The following CP variants were observed in gnomAD, a reference collection of about 807,000 sequenced individuals.
The protein encoded by CP is ceruloplasmin.
In CP, 64 loss-of-function variants were observed where a neutral mutation model predicts 122.4. That is an observed-to-expected ratio of 0.52 (90% CI 0.43 to 0.64). The LOEUF (loss-of-function observed/expected upper bound fraction) is 0.64. CP is among the 30% of genes least tolerant of loss of function. The pLI is 0.00. For synonymous variants in CP, 440 were observed against 436.4 expected (o/e 1.01, Z -0.10); for missense variants, 1,167 against 1,284.4 (o/e 0.91, Z 1.40).
chr3:149,216,900 CTT>C (rs201368226), intron 1 of CP, among the ~76,000 whole-genome samples: 10 of 129,584 alleles, frequency 7.7e-5, no homozygotes, highest in African/African-American at 1.1e-4. Context: ...CTATTGCTTG[CTT>C]TTTTTTTTTT....
chr3:149,168,011 A>C, downstream of CP: 2 of 1,270,966 alleles, frequency 1.6e-6, no homozygotes, highest in Non-Finnish European at 2.3e-6. Context: ...TTGCTTGATT[A>C]TAAACTTAAG....
chr3:149,172,127 C>G, downstream of CP: 2 of 1,612,942 alleles, frequency 1.2e-6, no homozygotes, highest in Non-Finnish European at 1.7e-6. Flanking sequence ...GGAACTAGAA[C>G]TGAAGGATTT....
At position 149,198,514 on chromosome 3, in the gene CP, G is replaced by A; in HGVS notation, c.1566C>T (p.Pro522=). Reference sequence around the variant, plus strand: ...CTGCATTAGTGGGTCCTACTTCTTTGGGGACAGTCCATTCATAGGTGAATG... The same window carrying A: ...CTGCATTAGTGGGTCCTACTTCTTTAGGGACAGTCCATTCATAGGTGAATG... ...TETFTYEWTV[P]KEVGPTNADP... The change falls in exon 9 of 19, where the codon CCC becomes CCT. Residue 522 remains proline (P), a synonymous_variant. Coordinates refer to ENST00000264613, the MANE Select transcript of CP (RefSeq NM_000096.4). 3 of 1,614,140 alleles carry A rather than the reference G, an allele frequency of 1.9e-6. No homozygotes were observed. The highest frequency in any genetic ancestry group is 2.5e-6 in the Non-Finnish European group (3 of 1,180,012).
chr3:149,179,812 G>A, intron 14 of CP, 150 bp from the exon 15 acceptor site: 1 of 633,266 alleles, frequency 1.6e-6, no homozygotes. Context: ...AAAAATTGTG[G>A]TACTCAAGAT....
chr3:149,182,501 C>T (rs1398443590), intron 13 of CP, among the ~76,000 whole-genome samples: 1 of 152,022 alleles, frequency 6.6e-6, no homozygotes, highest in Non-Finnish European at 1.5e-5. Flanking sequence ...GCCATTTTGC[C>T]TTGGTGTCTT....
At chr3:149,200,089 G>A in intron 7 of CP, 1 of 542,986 alleles carries the variant, frequency 1.8e-6, no homozygotes, top group South Asian at 2.0e-5. Flanking sequence ...TAATGAAATT[G>A]ATTATCATTT....
chr3:149,173,468 G>C lies in CP; in HGVS notation c.*246C>G. On this transcript the variant is annotated 3_prime_UTR_variant, in exon 19 of 19. Coordinates refer to ENST00000264613, the MANE Select transcript of CP (RefSeq NM_000096.4). ...AACCCTAACAGCGGTGATATCATTA[G>C]ACTGTATGAATCAGTTTTATTACCT... 1 of 340,338 alleles carries C rather than the reference G, an allele frequency of 2.9e-6. No homozygotes were observed. The highest frequency in any genetic ancestry group is 5.5e-6 in the Non-Finnish European group (1 of 180,922). The allele number at this position is 340,338 out of a possible 1,614,324, so 21.1% of individuals were successfully genotyped here. A position where few individuals can be genotyped will look rare whatever the true frequency, so the allele number is the denominator to read the frequency against.
intron 11 of CP, chr3:149,186,120 C>T (rs1019648516): frequency 3.7e-6 from 1 of 269,784 alleles, no homozygotes; most frequent in Non-Finnish European, 7.2e-6. Flanking sequence ...ATAGAATATT[C>T]ACTTGCAACC....
At chr3:149,162,437 A>G (rs748296456) in exon 6 of CP, 4 of 1,091,702 alleles carry the variant, frequency 3.7e-6, no homozygotes, top group Admixed American at 1.9e-5. Context: ...TGTTTATTGA[A>G]AAAACAGACA....
chr3:149,204,964 G>A (rs1032481147), intron 6 of CP, among the ~76,000 whole-genome samples: 1 of 151,870 alleles, frequency 6.6e-6, no homozygotes, highest in African/African-American at 2.4e-5. Flanking sequence ...AACTGATAAG[G>A]AATTAATATC....
intron 9 of CP, 104 bp from the exon 10 acceptor site, chr3:149,188,306 G>T (rs1726313693): frequency 1.0e-6 from 1 of 979,560 alleles, no homozygotes; most frequent in Non-Finnish European, 1.5e-6. Context: ...GAAAGAATGA[G>T]AACAGAAGTT....
downstream of CP, among the ~76,000 whole-genome samples, chr3:149,170,880 A>G (rs1367939974): frequency 6.6e-6 from 1 of 152,174 alleles, no homozygotes; most frequent in Non-Finnish European, 1.5e-5. Flanking sequence ...ATTGTTCATA[A>G]CTGTCACCCT....
chr3:149,219,589 C>T (rs1334613189), intron 1 of CP, among the ~76,000 whole-genome samples: 1 of 152,130 alleles, frequency 6.6e-6, no homozygotes, highest in Non-Finnish European at 1.5e-5. Flanking sequence ...ATTGTGAGGC[C>T]TTCCCAGCCA....
At chr3:149,213,363 A>G (rs150780714) in intron 1 of CP, among the ~76,000 whole-genome samples, 211 of 152,358 alleles carry the variant, frequency 1.4e-3, no homozygotes, top group African/African-American at 4.9e-3. Flanking sequence ...ATTCTAGTGA[A>G]TGTCCATTAA....
chr3:149,211,737 T>C (rs1186959961), intron 2 of CP, among the ~76,000 whole-genome samples: 2 of 152,232 alleles, frequency 1.3e-5, no homozygotes, highest in Non-Finnish European at 2.9e-5. Context: ...TATGTTTACA[T>C]GTAGGAACTT....
intron 5 of CP, among the ~76,000 whole-genome samples, chr3:149,165,309 T>G (rs1304633528): frequency 2.0e-5 from 3 of 152,224 alleles, no homozygotes; most frequent in Admixed American, 6.5e-5. Flanking sequence ...CTGATAAAGC[T>G]TTAAAGCATA....
chr3:149,201,085 T>C (rs1342345513), intron 7 of CP, among the ~76,000 whole-genome samples: 1 of 152,142 alleles, frequency 6.6e-6, no homozygotes, highest in Non-Finnish European at 1.5e-5. Context: ...GGACAGATCC[T>C]GCTTGTTTCA....
At chr3:149,204,593 G>A (rs980646881) in intron 6 of CP, among the ~76,000 whole-genome samples, 5 of 152,190 alleles carry the variant, frequency 3.3e-5, no homozygotes, top group African/African-American at 1.2e-4. Context: ...CTCTGCTTCA[G>A]GAGTCACAGG....
intron 9 of CP, among the ~76,000 whole-genome samples, chr3:149,190,996 TAGAA>T (rs1476747117): frequency 1.7e-4 from 26 of 152,210 alleles, no homozygotes; most frequent in Non-Finnish European, 3.4e-4. Context: ...AGTTTAACAT[TAGAA>T]AGTCTTTAAT....
Sources: gnomAD v4.1 joint callset for allele counts (sites outside exome capture counted in the v4.1 genomes callset) on GRCh38, gnomAD v4.1.1 for gene constraint, MANE v1.5 for transcripts, NCBI Gene and HGNC (gene_info 2026-07-23, HGNC 2026-07-21) for gene names.